The following WNT3 variants were observed in gnomAD, a reference collection of about 807,000 sequenced individuals.
WNT3 encodes proto-oncogene Wnt-3.
A neutral mutation model predicts 34.2 loss-of-function variants in WNT3; 7 were observed. The observed-to-expected ratio is 0.20, with a 90% confidence interval of 0.12 to 0.38. WNT3 has a LOEUF of 0.38. Among genes scored for constraint, WNT3 ranks in the 10% least tolerant of loss-of-function variants. The pLI is 1.00. For synonymous variants in WNT3, 212 were observed against 211.5 expected (o/e 1.00, Z -0.02); for missense variants, 267 against 499.8 (o/e 0.53, Z 4.44).
chr17:46,803,170 C>A (rs995963696), intron 1 of WNT3, among the ~76,000 whole-genome samples: 1 of 152,244 alleles, frequency 6.6e-6, no homozygotes, highest in Non-Finnish European at 1.5e-5. Flanking sequence ...CAGAAGTCTT[C>A]TGTACCAATT....
At chr17:46,801,240 G>T (rs2084121000) in intron 1 of WNT3, among the ~76,000 whole-genome samples, 1 of 152,212 alleles carries the variant, frequency 6.6e-6, no homozygotes. Context: ...AGAGGAGCGG[G>T]TGCAGGGCGG....
At chr17:46,775,861 C>G (rs893712295) in intron 1 of WNT3, among the ~76,000 whole-genome samples, 1 of 152,066 alleles carries the variant, frequency 6.6e-6, no homozygotes, top group African/African-American at 2.4e-5. Flanking sequence ...GATCCACACA[C>G]CTCGGCCTCC....
At chr17:46,773,647 C>G (rs567033120) in intron 2 of WNT3, 21 bp downstream of exon 2, 138 of 1,488,038 alleles carry the variant, frequency 9.3e-5, no homozygotes, top group Middle Eastern at 2.4e-4. Context: ...CCCTCCCCCC[C>G]CCTCAGCCCC....
rs566321423 is a variant in WNT3 at position 46,816,249 on chromosome 17, T to G, written c.80+2269A>C. 2.4e-4 allele frequency among the ~76,000 whole-genome samples: 37 copies of G among 151,350 alleles called. 1 individual carries two copies. Among genetic ancestry groups the G allele is most frequent in the African/African-American group, 8.0e-4 (33 of 41,170 alleles). ...TACATGGGCAAAGATACTTCTAGAC[T>G]TCTCTCTGTCTCTTACACATGTACA... On this transcript the variant is annotated intron_variant, in intron 1 of 4. Transcript: ENST00000225512.
At chr17:46,777,035 C>G (rs1350171544) in intron 1 of WNT3, among the ~76,000 whole-genome samples, 2 of 152,116 alleles carry the variant, frequency 1.3e-5, no homozygotes, top group Non-Finnish European at 1.5e-5. Context: ...GAGCACAAAG[C>G]CCATTATACA....
At chr17:46,780,628 T>G (rs1235625896) in intron 1 of WNT3, among the ~76,000 whole-genome samples, 1 of 151,796 alleles carries the variant, frequency 6.6e-6, no homozygotes, top group African/African-American at 2.4e-5. Flanking sequence ...TACAAAAAAT[T>G]AGCCGGGCGT....
intron 1 of WNT3, among the ~76,000 whole-genome samples, chr17:46,809,474 A>G (rs1479850566): frequency 1.3e-5 from 2 of 152,130 alleles, no homozygotes; most frequent in East Asian, 1.9e-4. Context: ...CCCCTCCCCA[A>G]CACACACGTA....
chr17:46,769,453 A>G (rs2059344232), intron 3 of WNT3, among the ~76,000 whole-genome samples: 1 of 152,222 alleles, frequency 6.6e-6, no homozygotes, highest in African/African-American at 2.4e-5. Context: ...TGGAGGCTGA[A>G]TTCAAAGCCA....
Position 46,780,509 on chromosome 17 carries a change from C to T in WNT3, c.81-6600G>A, listed in dbSNP as rs139567503. 7.6e-3 allele frequency among the ~76,000 whole-genome samples: 1,162 copies of T among 152,360 alleles called. 13 individuals carry two copies. Among genetic ancestry groups the T allele is most frequent in the African/African-American group, 0.026 (1,099 of 41,580 alleles). On this transcript the variant is annotated intron_variant, in intron 1 of 4. Transcript: ENST00000225512. ...AAAGAATTGAAAATGGGGACTCTGC[C>T]CAGGTGCGGTGGCTCACGCTTGTAA... is the stretch of plus-strand genomic sequence containing the variant.
At chr17:46,789,349 G>T (rs1172040869) in intron 1 of WNT3, among the ~76,000 whole-genome samples, 1 of 152,190 alleles carries the variant, frequency 6.6e-6, no homozygotes, top group African/African-American at 2.4e-5. Flanking sequence ...AGGGATGCAG[G>T]CTATACACTA....
chr17:46,800,381 G>A (rs1476840573), intron 1 of WNT3, among the ~76,000 whole-genome samples: 1 of 152,198 alleles, frequency 6.6e-6, no homozygotes, highest in East Asian at 1.9e-4. Flanking sequence ...AAAGTGCTGG[G>A]ATTACAGATG....
chr17:46,807,452 A>G (rs949346857), intron 1 of WNT3, among the ~76,000 whole-genome samples: 21 of 152,250 alleles, frequency 1.4e-4, no homozygotes, highest in Non-Finnish European at 4.4e-5. Context: ...ACTGCACTCC[A>G]GCCTGGGCAA....
chr17:46,806,559 G>C (rs759104324), intron 1 of WNT3, among the ~76,000 whole-genome samples: 1 of 152,178 alleles, frequency 6.6e-6, no homozygotes, highest in Non-Finnish European at 1.5e-5. Context: ...CTGCTTTCTC[G>C]AGGCTGCTTT....
intron 1 of WNT3, among the ~76,000 whole-genome samples, chr17:46,781,072 AC>A (rs938144881): frequency 1.3e-5 from 2 of 151,774 alleles, no homozygotes; most frequent in Admixed American, 1.3e-4. Flanking sequence ...CTACTAAAAT[AC>A]AAAAATTAGC....
At chr17:46,784,675 C>T (rs2059487306) in intron 1 of WNT3, among the ~76,000 whole-genome samples, 1 of 152,150 alleles carries the variant, frequency 6.6e-6, no homozygotes, top group South Asian at 2.1e-4. Flanking sequence ...CTTGTGTTTT[C>T]CATATTCCGG....
rs1285884812 is a variant in WNT3, at chr17:46,773,702, G to A, written c.288C>T (p.Asp96=). The A allele has an allele frequency of 2.5e-6, 4 of 1,610,020 alleles. No homozygotes were observed. The South Asian group carries it at 4.4e-5, about 18-fold the overall frequency. ...GRRWNCTTID[D]SLAIFGPVLD... Reference sequence around the variant, plus strand: ...GGACGGGCCCAAAGATGGCCAGGCTGTCATCTATGGTGGTGCAGTTCCAGC... The same window carrying A: ...GGACGGGCCCAAAGATGGCCAGGCTATCATCTATGGTGGTGCAGTTCCAGC... The change falls in exon 2 of 5, where the codon GAC becomes GAT. Residue 96 remains aspartate, a synonymous_variant. Coordinates refer to ENST00000225512, the MANE Select transcript of WNT3 (RefSeq NM_030753.5).
intron 1 of WNT3, among the ~76,000 whole-genome samples, chr17:46,784,710 C>G (rs951444752): frequency 6.6e-5 from 10 of 152,050 alleles, no homozygotes; most frequent in African/African-American, 1.9e-4. Context: ...AGATGCACAG[C>G]CAACATACCT....
chr17:46,817,441 G>A (rs1244016097), intron 1 of WNT3, among the ~76,000 whole-genome samples: 2 of 152,224 alleles, frequency 1.3e-5, no homozygotes, highest in African/African-American at 2.4e-5. Flanking sequence ...TTTCCGGAAT[G>A]TAGGGGGCTG....
intron 1 of WNT3, among the ~76,000 whole-genome samples, chr17:46,783,272 G>T (rs1293034605): frequency 6.6e-6 from 1 of 152,232 alleles, no homozygotes; most frequent in African/African-American, 2.4e-5. Flanking sequence ...CTCCTGTCTT[G>T]ATTTAGCCCC....
Sources: gnomAD v4.1 joint callset for allele counts (sites outside exome capture counted in the v4.1 genomes callset) on GRCh38, gnomAD v4.1.1 for gene constraint, MANE v1.5 for transcripts, NCBI Gene and HGNC (gene_info 2026-07-23, HGNC 2026-07-21) for gene names.